The following SPAG16 variants were observed in gnomAD, a reference collection of about 807,000 sequenced individuals.
The protein encoded by SPAG16 is sperm-associated antigen 16 protein.
A neutral mutation model predicts 80.4 loss-of-function variants in SPAG16; 86 were observed. That is an observed-to-expected ratio of 1.07 (90% CI 0.90 to 1.28). SPAG16 has a LOEUF of 1.28. Among genes scored for constraint, SPAG16 ranks in the 50% most tolerant of loss-of-function variants. The pLI is 0.00. For synonymous variants in SPAG16, 294 were observed against 265.9 expected, an observed-to-expected ratio of 1.11 and a Z score of -1.03; for missense variants, 870 against 765.3, an observed-to-expected ratio of 1.14 and a Z score of -1.61.
chr2:213,890,969 A>G (rs548787212), intron 11 of SPAG16, among the ~76,000 whole-genome samples: 4 of 152,158 alleles, frequency 2.6e-5, no homozygotes, highest in African/African-American at 4.8e-5. Context: ...TTAATATTCA[A>G]TCACTTTTTT....
chr2:214,143,169 C>T (rs565850863), intron 14 of SPAG16, among the ~76,000 whole-genome samples: 2 of 150,084 alleles, frequency 1.3e-5, no homozygotes, highest in South Asian at 4.2e-4. Context: ...CTTAATTAAG[C>T]TTTCTGTGGC....
At chr2:213,627,388 G>A (rs939525541) in intron 10 of SPAG16, among the ~76,000 whole-genome samples, 2 of 152,204 alleles carry the variant, frequency 1.3e-5, no homozygotes, top group African/African-American at 4.8e-5. Flanking sequence ...AAACTACAGT[G>A]TAACACATAC....
chr2:214,396,305 G>A (rs1352198625), intron 15 of SPAG16, among the ~76,000 whole-genome samples: 1 of 151,472 alleles, frequency 6.6e-6, no homozygotes, highest in Non-Finnish European at 1.5e-5. Context: ...ATTATATTTA[G>A]TATCTTCATT....
intron 15 of SPAG16, among the ~76,000 whole-genome samples, chr2:214,247,964 G>T (rs996163549): frequency 6.6e-6 from 1 of 151,934 alleles, no homozygotes; most frequent in Admixed American, 6.6e-5. Context: ...GGAGGTTGAC[G>T]CTGCAGTGTG....
At chr2:213,660,210 T>C (rs2063367483) in intron 10 of SPAG16, among the ~76,000 whole-genome samples, 1 of 151,656 alleles carries the variant, frequency 6.6e-6, no homozygotes, top group Non-Finnish European at 1.5e-5. Flanking sequence ...TACAGAATAA[T>C]GCACAAAGGT....
At chr2:213,946,076 G>A (rs2079446260) in intron 12 of SPAG16, among the ~76,000 whole-genome samples, 1 of 152,076 alleles carries the variant, frequency 6.6e-6, no homozygotes, top group Admixed American at 6.6e-5. Context: ...GAGAAAAGTT[G>A]ACCTGACTTT....
intron 12 of SPAG16, among the ~76,000 whole-genome samples, chr2:214,006,642 G>A (rs999370768): frequency 1.3e-5 from 2 of 152,208 alleles, no homozygotes; most frequent in African/African-American, 2.4e-5. Flanking sequence ...ATGTTTTGAT[G>A]GAAATGTACA....
At chr2:214,277,605 A>T (rs1216947017) in intron 15 of SPAG16, among the ~76,000 whole-genome samples, 2 of 152,284 alleles carry the variant, frequency 1.3e-5, no homozygotes, top group East Asian at 3.9e-4. Context: ...TTGCCTGGGT[A>T]TCACCAGCGG....
chr2:214,267,729 G>A (rs7608899), intron 15 of SPAG16, among the ~76,000 whole-genome samples: 2,321 of 151,644 alleles, frequency 0.015, 35 homozygotes, highest in African/African-American at 0.034. Flanking sequence ...CCATACTACC[G>A]AAAGCATTCT....
At chr2:213,732,967 T>G (rs1395107008) in intron 10 of SPAG16, among the ~76,000 whole-genome samples, 1 of 152,216 alleles carries the variant, frequency 6.6e-6, no homozygotes, top group Non-Finnish European at 1.5e-5. Flanking sequence ...TCTTCCAGAT[T>G]AATTGAACTA....
At chr2:213,354,609 G>C (rs6735405) in intron 7 of SPAG16, among the ~76,000 whole-genome samples, 11 of 152,112 alleles carry the variant, frequency 7.2e-5, no homozygotes, top group African/African-American at 2.7e-4. Flanking sequence ...TCTCATTGTG[G>C]TTTTTATTTG....
At chr2:214,363,588 G>T (rs1699309034) in intron 15 of SPAG16, among the ~76,000 whole-genome samples, 1 of 151,912 alleles carries the variant, frequency 6.6e-6, no homozygotes, top group African/African-American at 2.4e-5. Flanking sequence ...AGAGAGACAA[G>T]CTCTCCAGAA....
chr2:214,124,741 G>C (rs1306462144), intron 14 of SPAG16, among the ~76,000 whole-genome samples: 1 of 151,758 alleles, frequency 6.6e-6, no homozygotes, highest in Admixed American at 6.7e-5. Context: ...ACCACGGGCA[G>C]AACAAGAGAG....
chr2:213,654,338 T>C (rs1470271992), intron 10 of SPAG16, among the ~76,000 whole-genome samples: 2 of 149,004 alleles, frequency 1.3e-5, no homozygotes, highest in Non-Finnish European at 3.0e-5. Flanking sequence ...TAATGGACGC[T>C]TGAACATCTA....
chr2:214,046,887 T>C (rs1318442661), intron 13 of SPAG16, among the ~76,000 whole-genome samples: 2 of 141,704 alleles, frequency 1.4e-5, no homozygotes, highest in East Asian at 2.0e-4. Context: ...CATTTCTATA[T>C]GTCAAAAGTA....
intron 15 of SPAG16, among the ~76,000 whole-genome samples, chr2:214,234,112 C>T (rs966919559): frequency 4.6e-5 from 7 of 152,190 alleles, no homozygotes; most frequent in Admixed American, 3.9e-4. Context: ...TTATTGAGCT[C>T]CCACTTATAA....
At chr2:213,716,870 A>G (rs1048418157) in intron 10 of SPAG16, among the ~76,000 whole-genome samples, 2 of 152,098 alleles carry the variant, frequency 1.3e-5, no homozygotes, top group Non-Finnish European at 2.9e-5. Flanking sequence ...AGTGGGGAAA[A>G]GGGATGCAGC....
chr2:213,558,928 T>C (rs1422043435), intron 10 of SPAG16, among the ~76,000 whole-genome samples: 1 of 152,132 alleles, frequency 6.6e-6, no homozygotes, highest in Non-Finnish European at 1.5e-5. Context: ...ATTTCACTCA[T>C]AATTACTTCA....
intron 10 of SPAG16, among the ~76,000 whole-genome samples, chr2:213,778,841 C>T (rs1207113319): frequency 6.6e-6 from 1 of 152,102 alleles, no homozygotes; most frequent in Non-Finnish European, 1.5e-5. Flanking sequence ...GAATTTTTTT[C>T]AGTTCCATGT....
Sources: gnomAD v4.1 joint callset for allele counts (sites outside exome capture counted in the v4.1 genomes callset) on GRCh38, gnomAD v4.1.1 for gene constraint, MANE v1.5 for transcripts, NCBI Gene and HGNC (gene_info 2026-07-23, HGNC 2026-07-21) for gene names.